The following TCF12 variants were observed in gnomAD, a reference collection of about 807,000 sequenced individuals.
TCF12 encodes the protein transcription factor 12, also known as DNA-binding protein HTF4.
TCF12 carries 45 observed loss-of-function variants against 86.0 expected under a neutral mutation model. The observed-to-expected ratio is 0.52, with a 90% confidence interval of 0.41 to 0.67. The LOEUF is 0.67. Ranked by LOEUF, TCF12 falls within the 30% of genes least tolerant of loss-of-function variation. The pLI is 0.00. For missense variants in TCF12, 881 were observed against 859.9 expected (o/e 1.02, Z -0.31); for synonymous variants, 330 against 299.6 (o/e 1.10, Z -1.05).
At chr15:57,104,868 T>TG (rs1264842772) in intron 5 of TCF12, among the ~76,000 whole-genome samples, 1 of 132,244 alleles carries the variant, frequency 7.6e-6, no homozygotes, top group African/African-American at 2.9e-5. Flanking sequence ...GGTGTTTTTT[T>TG]TTTTTTTTTT....
In TCF12 at chr15:57,091,974, A is replaced by G. The variant is rs553489631; in HGVS notation, c.325+83A>G. 3.1e-4 allele frequency: 360 copies of G among 1,146,566 alleles called. 3 individuals carry two copies. In the African/African-American group the frequency reaches 4.8e-3, roughly 15 times the overall value. 71.0% of individuals were successfully genotyped at this position (1,146,566 alleles called of 1,614,324 possible). A position where few individuals can be genotyped will look rare whatever the true frequency, so the allele number is the denominator to read the frequency against. ...TTTTATCCCTTTGTCCAGGAGGGAC[A>G]GGTAAGTATCTAGAAGAAAGTTCTT... On this transcript the variant is annotated intron_variant, in intron 5 of 20. Transcript: ENST00000333725.
chr15:56,994,197 G>A (rs1323017555), intron 3 of TCF12, among the ~76,000 whole-genome samples: 1 of 152,102 alleles, frequency 6.6e-6, no homozygotes, highest in African/African-American at 2.4e-5. Context: ...CTGAACATTA[G>A]AGAAGAAAGA....
intron 13 of TCF12, among the ~76,000 whole-genome samples, chr15:57,246,021 G>A (rs1189233256): frequency 4.0e-5 from 6 of 149,816 alleles, no homozygotes; most frequent in African/African-American, 1.5e-4. Context: ...CTGTCAAAGG[G>A]AAAAAAAAAG....
chr15:57,114,413 C>T (rs554310123), intron 5 of TCF12, among the ~76,000 whole-genome samples: 2 of 152,150 alleles, frequency 1.3e-5, no homozygotes, highest in Admixed American at 6.5e-5. Context: ...ACCTCAGCCC[C>T]CCAAGTAGTC....
At chr15:57,042,150 G>A (rs2066937100) in intron 3 of TCF12, among the ~76,000 whole-genome samples, 2 of 151,260 alleles carry the variant, frequency 1.3e-5, no homozygotes, top group Non-Finnish European at 2.9e-5. Context: ...ATGGAGTTTT[G>A]CCTTGTTGCC....
At chr15:57,172,959 G>T (rs926651768) in intron 6 of TCF12, among the ~76,000 whole-genome samples, 1 of 146,302 alleles carries the variant, frequency 6.8e-6, no homozygotes, top group East Asian at 2.0e-4. Flanking sequence ...AAAAAAAAAA[G>T]AAAACTAGTC....
chr15:56,940,291 TG>T (rs2060673529), intron 3 of TCF12, among the ~76,000 whole-genome samples: 1 of 152,122 alleles, frequency 6.6e-6, no homozygotes, highest in East Asian at 1.9e-4. Context: ...CTGGTCAATT[TG>T]TGGTAGAGGT....
chr15:57,070,276 A>G (rs891457503), intron 4 of TCF12, among the ~76,000 whole-genome samples: 1 of 152,144 alleles, frequency 6.6e-6, no homozygotes, highest in Non-Finnish European at 1.5e-5. Context: ...ACCTATAGCA[A>G]TAAAGGGATA....
intron 13 of TCF12, chr15:57,251,108 G>A (rs1290062341): frequency 9.8e-6 from 4 of 406,772 alleles, no homozygotes; most frequent in African/African-American, 2.0e-5. Flanking sequence ...CAAACATAAA[G>A]GTAGCTGTAT....
At chr15:56,924,705 C>G (rs1357624850) in intron 3 of TCF12, among the ~76,000 whole-genome samples, 1 of 152,144 alleles carries the variant, frequency 6.6e-6, no homozygotes, top group Non-Finnish European at 1.5e-5. Flanking sequence ...AGAGTAACCA[C>G]AGAGTCAGCA....
chr15:57,231,353 C>A, intron 9 of TCF12, 96 bp downstream of exon 9: 3 of 921,962 alleles, frequency 3.3e-6, no homozygotes, highest in South Asian at 1.6e-5. Context: ...TATATTCAGG[C>A]CTTATTTAGG....
At chr15:56,949,542 C>T (rs1337846139) in intron 3 of TCF12, among the ~76,000 whole-genome samples, 2 of 152,190 alleles carry the variant, frequency 1.3e-5, no homozygotes, top group East Asian at 3.8e-4. Context: ...AGTTAATTGT[C>T]ATGGTGTTTC....
chr15:57,072,911 A>G (rs929171893), intron 4 of TCF12, among the ~76,000 whole-genome samples: 3 of 152,190 alleles, frequency 2.0e-5, no homozygotes, highest in Admixed American at 1.3e-4. Context: ...CTGCCTATAA[A>G]TTATAACCTA....
chr15:57,101,596 C>T (rs916983919), intron 5 of TCF12, among the ~76,000 whole-genome samples: 4 of 152,162 alleles, frequency 2.6e-5, no homozygotes, highest in Non-Finnish European at 5.9e-5. Context: ...TGCACGCGTG[C>T]GTGCACACAC....
At chr15:57,009,256 C>T (rs773749446) in intron 3 of TCF12, among the ~76,000 whole-genome samples, 53 of 152,002 alleles carry the variant, frequency 3.5e-4, no homozygotes, top group African/African-American at 1.2e-3. Context: ...GGACTACAGG[C>T]GCACTTCATC....
At chr15:57,014,716 TCAA>T (rs2065044198) in intron 3 of TCF12, among the ~76,000 whole-genome samples, 1 of 152,106 alleles carries the variant, frequency 6.6e-6, no homozygotes, top group South Asian at 2.1e-4. Context: ...TATTTCTGGC[TCAA>T]CAACTCAGAT....
chr15:57,128,169 A>G (rs1361148828), intron 5 of TCF12, among the ~76,000 whole-genome samples: 1 of 152,010 alleles, frequency 6.6e-6, no homozygotes, highest in Non-Finnish European at 1.5e-5. Flanking sequence ...TAGTAAGTCC[A>G]TTTTCTTTTA....
At chr15:56,918,371 G>GAGAT, upstream of TCF12, 5 of 386,068 alleles carry the variant, frequency 1.3e-5, no homozygotes, top group East Asian at 1.7e-4. Context: ...CTGCCACCCC[G>GAGAT]CTCCCAGGAG....
Position 57,282,580 on chromosome 15 carries a change from A to C in TCF12, c.2114A>C (p.His705Pro). ...AGTGAAACTACCAACCCTATGGGTC[A>C]TATGTAAACATCAGCCAGGTAAGTA... ...GLSETTNPMG[H>P]M is the part of the protein sequence containing the mutation. Residue 705 changes from histidine (H) to proline (P), a missense_variant, in exon 20 of 21, where the codon CAT becomes CCT. Around this residue, in one of 3 missense-constraint regions of TCF12, gnomAD observed 69 missense variants for 64.2 expected, o/e 1.07. Transcript: ENST00000333725. The C allele has an allele frequency of 6.2e-7, 1 of 1,613,008 alleles. No individual in the cohort carries two copies. The highest frequency in any genetic ancestry group is 8.5e-7 in the Non-Finnish European group (1 of 1,179,752).
Sources: gnomAD v4.1 joint callset for allele counts (sites outside exome capture counted in the v4.1 genomes callset) on GRCh38, gnomAD v4.1.1 for gene constraint, gnomAD v4.1.1 regional missense constraint, MANE v1.5 for transcripts, NCBI Gene and HGNC (gene_info 2026-07-23, HGNC 2026-07-21) for gene names.